Variants in GSE1 observed in about 807,000 individuals in gnomAD.
GSE1 encodes the protein genetic suppressor element 1.
Under a neutral mutation model 112.6 loss-of-function variants are expected in GSE1, and 32 were observed. That is an observed-to-expected ratio of 0.28 (90% confidence interval 0.21 to 0.38). GSE1 has a LOEUF of 0.38. Among genes scored for constraint, GSE1 ranks in the 10% least tolerant of loss-of-function variants. The pLI is 1.00. For synonymous variants in GSE1, 1,115 were observed against 735.6 expected (o/e 1.52, Z -8.35); for missense variants, 2,348 against 1,699.2 (o/e 1.38, Z -6.71).
At chr16:85,619,274 G>C (rs927687952) in intron 1 of GSE1, among the ~76,000 whole-genome samples, 1 of 152,216 alleles carries the variant, frequency 6.6e-6, no homozygotes, top group African/African-American at 2.4e-5. Flanking sequence ...TCCTGCGCTC[G>C]GATGGTGGGT....
At chr16:85,420,472 C>T (rs932001272) in intron 2 of GSE1, among the ~76,000 whole-genome samples, 2 of 152,108 alleles carry the variant, frequency 1.3e-5, no homozygotes, top group African/African-American at 2.4e-5. Context: ...CATGTCTCCT[C>T]GGAGGAAGTC....
At chr16:85,611,649 C>T, upstream of GSE1, 1 of 230,400 alleles carries the variant, frequency 4.3e-6, no homozygotes, top group Non-Finnish European at 7.2e-6. Flanking sequence ...CACCTCCGGG[C>T]CCCGGCGCGC....
intron 2 of GSE1, among the ~76,000 whole-genome samples, chr16:85,401,529 A>C (rs187869336): frequency 8.5e-5 from 13 of 152,164 alleles, no homozygotes; most frequent in Non-Finnish European, 1.8e-4. Context: ...CAGGAGAATG[A>C]GCCGGCCCAG....
intron 1 of GSE1, among the ~76,000 whole-genome samples, chr16:85,215,526 A>T (rs995452449): frequency 6.6e-6 from 1 of 152,248 alleles, no homozygotes; most frequent in Non-Finnish European, 1.5e-5. Context: ...TGCAACAAAA[A>T]ACCATGTGTA....
intron 3 of GSE1, 43 bp from the exon 4 acceptor site, chr16:85,654,235 C>G (rs1480907872): frequency 3.9e-6 from 6 of 1,549,306 alleles, no homozygotes; most frequent in South Asian, 3.5e-5. Context: ...GGTCAGTGGC[C>G]TATACCAGGC....
intron 2 of GSE1, among the ~76,000 whole-genome samples, chr16:85,505,727 A>G (rs1255141654): frequency 6.6e-6 from 1 of 152,158 alleles, no homozygotes; most frequent in East Asian, 1.9e-4. Context: ...GGAATTAAGA[A>G]CAAAAGGTAG....
intron 2 of GSE1, among the ~76,000 whole-genome samples, chr16:85,507,600 G>A (rs1567545701): frequency 6.6e-6 from 1 of 152,120 alleles, no homozygotes; most frequent in Non-Finnish European, 1.5e-5. Context: ...GCTTTCCTCT[G>A]GGGCCCCTCG....
At chr16:85,171,103 A>G in exon 1 of GSE1, 1 of 985,426 alleles carries the variant, frequency 1.0e-6, no homozygotes, top group Non-Finnish European at 1.2e-6. Flanking sequence ...GGGCCCCAAC[A>G]AGCGCTGTGA....
intron 2 of GSE1, among the ~76,000 whole-genome samples, chr16:85,474,060 G>A (rs189482460): frequency 3.3e-5 from 5 of 152,236 alleles, no homozygotes; most frequent in Non-Finnish European, 7.4e-5. Context: ...AGAAACATGA[G>A]CTGACCCATC....
intron 1 of GSE1, among the ~76,000 whole-genome samples, chr16:85,617,457 C>T (rs1330228955): frequency 6.6e-6 from 1 of 152,118 alleles, no homozygotes; most frequent in East Asian, 1.9e-4. Context: ...AGTGGGGAGC[C>T]TCCAGCTCGG....
At chr16:85,459,792 C>G (rs1019412656) in intron 2 of GSE1, among the ~76,000 whole-genome samples, 2 of 152,246 alleles carry the variant, frequency 1.3e-5, no homozygotes, top group Non-Finnish European at 2.9e-5. Context: ...GAGGCTTTCT[C>G]TCTTTGGTCT....
At chr16:85,254,451 G>A (rs1397983210) in intron 1 of GSE1, among the ~76,000 whole-genome samples, 3 of 152,174 alleles carry the variant, frequency 2.0e-5, no homozygotes, top group African/African-American at 4.8e-5. Context: ...CACATATGCT[G>A]GTATTAGGTG....
chr16:85,402,459 C>T (rs577763639), intron 2 of GSE1, among the ~76,000 whole-genome samples: 16 of 152,252 alleles, frequency 1.1e-4, no homozygotes, highest in African/African-American at 3.6e-4. Flanking sequence ...CTCTGAGGGC[C>T]GGGGCCATGC....
intron 1 of GSE1, among the ~76,000 whole-genome samples, chr16:85,617,834 G>A (rs2048474466): frequency 6.6e-6 from 1 of 152,128 alleles, no homozygotes; most frequent in African/African-American, 2.4e-5. Context: ...CACCTGGGAA[G>A]CCAGAGACCG....
intron 1 of GSE1, among the ~76,000 whole-genome samples, chr16:85,303,354 G>A (rs1567674894): frequency 6.6e-6 from 1 of 152,192 alleles, no homozygotes; most frequent in South Asian, 2.1e-4. Flanking sequence ...CCCTCGGTGG[G>A]GAGTCCCGAC....
intron 2 of GSE1, among the ~76,000 whole-genome samples, chr16:85,382,996 T>C (rs1288534531): frequency 4.1e-5 from 6 of 145,076 alleles, no homozygotes; most frequent in East Asian, 4.3e-4. Flanking sequence ...CATGTGCACA[T>C]ACAACACATG....
intron 1 of GSE1, among the ~76,000 whole-genome samples, chr16:85,354,180 C>T (rs1377236151): frequency 1.3e-5 from 2 of 152,206 alleles, no homozygotes; most frequent in Non-Finnish European, 2.9e-5. Flanking sequence ...GCTCCCATCT[C>T]CCCCGGTGGT....
chr16:85,270,920 C>A (rs1908767529), intron 1 of GSE1, among the ~76,000 whole-genome samples: 1 of 152,206 alleles, frequency 6.6e-6, no homozygotes, highest in Non-Finnish European at 1.5e-5. Flanking sequence ...ACAGACCTGG[C>A]TTCACATACC....
intron 2 of GSE1, among the ~76,000 whole-genome samples, chr16:85,505,098 G>A (rs961641751): frequency 1.3e-5 from 2 of 152,138 alleles, no homozygotes; most frequent in African/African-American, 4.8e-5. Flanking sequence ...TTCCGGTTTG[G>A]ATCCTGGTTT....
Sources: allele counts gnomAD v4.1 joint callset (sites outside exome capture counted in the v4.1 genomes callset), GRCh38; gene constraint gnomAD v4.1.1; transcripts MANE v1.5; gene names NCBI Gene and HGNC (gene_info 2026-07-23, HGNC 2026-07-21).